RAD51B: variants seen among roughly 807,000 people sequenced by gnomAD.
RAD51B encodes DNA repair protein RAD51 homolog 2.
In RAD51B, 38 loss-of-function variants were observed where a neutral mutation model predicts 42.2. The observed-to-expected ratio is 0.90, with a 90% CI of 0.70 to 1.18. The LOEUF (loss-of-function observed/expected upper bound fraction) is 1.18. Among genes scored for constraint, RAD51B ranks in the 50% most tolerant of loss-of-function variants. The pLI is 0.00. For synonymous variants in RAD51B, 154 were observed against 145.2 expected (o/e 1.06, Z -0.43); for missense variants, 373 against 400.7 (o/e 0.93, Z 0.59).
At chr14:68,056,457 A>G (rs2076476997) in intron 7 of RAD51B, among the ~76,000 whole-genome samples, 2 of 151,852 alleles carry the variant, frequency 1.3e-5, no homozygotes, top group African/African-American at 2.4e-5. Context: ...ACTTAAAGAA[A>G]TATTTGTGGG....
At chr14:68,413,607 T>C (rs1177258001) in intron 9 of RAD51B, among the ~76,000 whole-genome samples, 1 of 152,236 alleles carries the variant, frequency 6.6e-6, no homozygotes, top group African/African-American at 2.4e-5. Flanking sequence ...TGTGACCTAA[T>C]AACTAGAATA....
intron 7 of RAD51B, among the ~76,000 whole-genome samples, chr14:68,118,198 C>T (rs1315654874): frequency 6.6e-6 from 1 of 152,158 alleles, no homozygotes; most frequent in African/African-American, 2.4e-5. Flanking sequence ...TCACCCAGTT[C>T]CCTCTAATGT....
intron 7 of RAD51B, among the ~76,000 whole-genome samples, chr14:67,923,298 C>CTTTTTTTTTTTTTTTTTT (rs34809964): frequency 2.4e-5 from 3 of 123,658 alleles, no homozygotes; most frequent in African/African-American, 9.8e-5. Context: ...TTTTCTTTTT[C>CTTTTTTTTTTTTTTTTTT]TTTTTTTTTT....
chr14:68,343,380 G>T (rs1039150726), intron 8 of RAD51B, among the ~76,000 whole-genome samples: 1 of 151,924 alleles, frequency 6.6e-6, no homozygotes, highest in Non-Finnish European at 1.5e-5. Flanking sequence ...TGCTTTTGTT[G>T]CATGAACTTT....
chr14:67,834,045 G>T (rs1232165195), intron 3 of RAD51B, among the ~76,000 whole-genome samples: 1 of 152,182 alleles, frequency 6.6e-6, no homozygotes. Flanking sequence ...TTCTCTTACA[G>T]TTTTGGAGTT....
At chr14:68,148,288 C>T (rs934245315) in intron 7 of RAD51B, among the ~76,000 whole-genome samples, 31 of 152,278 alleles carry the variant, frequency 2.0e-4, no homozygotes, top group African/African-American at 7.5e-4. Context: ...CTACTATGAA[C>T]ATTTGACTAC....
chr14:68,639,048 G>A (rs759798645), intron 10 of RAD51B, among the ~76,000 whole-genome samples: 2 of 152,002 alleles, frequency 1.3e-5, no homozygotes, highest in South Asian at 2.1e-4. Flanking sequence ...GCAACCCCAC[G>A]TAGACTGAAG....
chr14:68,362,378 A>G (rs1172476186), intron 8 of RAD51B, among the ~76,000 whole-genome samples: 6 of 152,232 alleles, frequency 3.9e-5, no homozygotes, highest in Non-Finnish European at 8.8e-5. Flanking sequence ...ATATTAATTC[A>G]TTATTAACTA....
chr14:68,635,104 T>C (rs371414600), intron 10 of RAD51B, among the ~76,000 whole-genome samples: 3 of 152,242 alleles, frequency 2.0e-5, no homozygotes, highest in Non-Finnish European at 2.9e-5. Context: ...TATCCCAAGA[T>C]AATGATCAGA....
intron 6 of RAD51B, among the ~76,000 whole-genome samples, chr14:67,886,444 GT>G (rs1381960099): frequency 6.6e-6 from 1 of 152,092 alleles, no homozygotes; most frequent in Non-Finnish European, 1.5e-5. Flanking sequence ...TAATATAGTT[GT>G]TGGAAGCCCT....
chr14:68,219,624 G>A (rs1043675190), intron 7 of RAD51B, among the ~76,000 whole-genome samples: 3 of 152,114 alleles, frequency 2.0e-5, no homozygotes, highest in East Asian at 1.9e-4. Context: ...TCAGGAAGCC[G>A]CATTCCTGAG....
intron 8 of RAD51B, among the ~76,000 whole-genome samples, chr14:68,320,031 AATCT>A (rs1165191370): frequency 6.6e-6 from 1 of 152,188 alleles, no homozygotes; most frequent in African/African-American, 2.4e-5. Flanking sequence ...CATTCAAATC[AATCT>A]GACTCCAAAA....
chr14:67,839,958 A>G (rs2041370169), intron 4 of RAD51B, among the ~76,000 whole-genome samples: 1 of 152,122 alleles, frequency 6.6e-6, no homozygotes, highest in African/African-American at 2.4e-5. Context: ...ACTTAATTAA[A>G]AAAATTTATT....
At chr14:68,639,984 T>C (rs145634907) in intron 10 of RAD51B, among the ~76,000 whole-genome samples, 1,669 of 152,162 alleles carry the variant, frequency 0.011, 21 homozygotes, top group African/African-American at 0.035. Context: ...GTATTTTTAG[T>C]GGAGATGGGG....
chr14:67,831,986 A>G (rs2041067009), intron 3 of RAD51B, among the ~76,000 whole-genome samples: 1 of 152,178 alleles, frequency 6.6e-6, no homozygotes, highest in African/African-American at 2.4e-5. Flanking sequence ...TTGCCTGATG[A>G]TAGGTTATAG....
intron 7 of RAD51B, among the ~76,000 whole-genome samples, chr14:67,992,399 A>G (rs569070433): frequency 3.3e-5 from 5 of 152,198 alleles, no homozygotes; most frequent in Non-Finnish European, 7.4e-5. Context: ...TAAAAAATGA[A>G]ATAGACTGTG....
chr14:68,671,188 G>A (rs12436378), intron 11 of RAD51B, among the ~76,000 whole-genome samples: 22,700 of 152,240 alleles, frequency 0.15, 1,927 homozygotes, highest in Non-Finnish European at 0.18. Flanking sequence ...GGGTTGGTCC[G>A]TGTGCTTTGA....
intron 7 of RAD51B, among the ~76,000 whole-genome samples, chr14:68,265,903 T>C (rs2080982259): frequency 6.6e-6 from 1 of 152,244 alleles, no homozygotes; most frequent in Admixed American, 6.5e-5. Context: ...TAAATATAAT[T>C]GTGCTCATTT....
intron 7 of RAD51B, among the ~76,000 whole-genome samples, chr14:67,952,016 AAATGAAGACCAG>A (rs2074461675): frequency 6.6e-6 from 1 of 152,204 alleles, no homozygotes. Context: ...TCGGTGGGAC[AAATGAAGACCAG>A]AATGAAGTCT....
Sources: allele counts gnomAD v4.1 joint callset (sites outside exome capture counted in the v4.1 genomes callset), GRCh38; gene constraint gnomAD v4.1.1; transcripts MANE v1.5; gene names NCBI Gene and HGNC (gene_info 2026-07-23, HGNC 2026-07-21).